The following MCU variants were observed in gnomAD, a reference collection of about 807,000 sequenced individuals.
The protein encoded by MCU is calcium uniporter protein, mitochondrial.
A neutral mutation model predicts 45.2 loss-of-function variants in MCU; 12 were observed. The observed-to-expected ratio is 0.27, with a 90% CI of 0.17 to 0.43. The LOEUF is 0.43. Among genes scored for constraint, MCU ranks in the 20% least tolerant of loss-of-function variants. The pLI is 1.00. For synonymous variants in MCU, 160 were observed against 165.1 expected, an observed-to-expected ratio of 0.97 and a Z score of 0.24; for missense variants, 324 against 436.7, an observed-to-expected ratio of 0.74 and a Z score of 2.30.
intron 1 of MCU, among the ~76,000 whole-genome samples, chr10:72,786,993 A>G (rs1300935904): frequency 6.6e-6 from 1 of 152,176 alleles, no homozygotes; most frequent in Non-Finnish European, 1.5e-5. Context: ...AAATTTATAT[A>G]TGGAGAGAGA....
At chr10:72,757,609 T>C (rs1843597428) in intron 1 of MCU, among the ~76,000 whole-genome samples, 1 of 152,122 alleles carries the variant, frequency 6.6e-6, no homozygotes. Flanking sequence ...TTTTTTAATC[T>C]CTAAAGAGGG....
At chr10:72,731,611 A>G (rs1194897985) in intron 1 of MCU, among the ~76,000 whole-genome samples, 1 of 152,080 alleles carries the variant, frequency 6.6e-6, no homozygotes, top group South Asian at 2.1e-4. Flanking sequence ...ATGTTTAGCA[A>G]TCACTGTCTA....
At chr10:72,707,324 G>A (rs771350641) in intron 1 of MCU, among the ~76,000 whole-genome samples, 1 of 150,076 alleles carries the variant, frequency 6.7e-6, no homozygotes. Flanking sequence ...TCAGCCTCCC[G>A]AGTAGCTGGG....
chr10:72,860,097 A>G, intron 3 of MCU: 1 of 208,414 alleles, frequency 4.8e-6, no homozygotes, highest in Non-Finnish European at 9.8e-6. Context: ...TTTTGACTCA[A>G]CCAGCTTCCA....
intron 1 of MCU, among the ~76,000 whole-genome samples, chr10:72,808,764 A>G (rs1226174275): frequency 6.6e-6 from 1 of 152,176 alleles, no homozygotes; most frequent in Non-Finnish European, 1.5e-5. Context: ...AGCACATCTT[A>G]CTATGGTGGA....
At chr10:72,692,695 G>A in intron 1 of MCU, 3 of 1,221,634 alleles carry the variant, frequency 2.5e-6, no homozygotes, top group Non-Finnish European at 3.1e-6. Context: ...CTCCTCCTCC[G>A]GGCGGGTTGG....
chr10:72,710,605 C>A (rs545126471), intron 1 of MCU, among the ~76,000 whole-genome samples: 1 of 116,478 alleles, frequency 8.6e-6, no homozygotes, highest in Non-Finnish European at 1.7e-5. Flanking sequence ...AAGGAAATTA[C>A]ATTATGTTCA....
chr10:72,780,552 T>TGTGTGTGTGTGTGTGTGTGTGTGTGTGTG (rs770728826), intron 1 of MCU, among the ~76,000 whole-genome samples: 9 of 20,302 alleles, frequency 4.4e-4, no homozygotes, highest in Admixed American at 1.9e-3. Context: ...GTGTGTGTGT[T>TGTGTGTGTGTGTGTGTGTGTGTGTGTGTG]GGGTGAATTT....
At chr10:72,807,820 C>A (rs1057289595) in intron 1 of MCU, among the ~76,000 whole-genome samples, 3 of 152,126 alleles carry the variant, frequency 2.0e-5, no homozygotes, top group Admixed American at 1.3e-4. Flanking sequence ...ATAACATATT[C>A]TGTTAATATG....
intron 1 of MCU, among the ~76,000 whole-genome samples, chr10:72,713,851 A>T (rs1021923904): frequency 6.6e-6 from 1 of 151,918 alleles, no homozygotes; most frequent in Admixed American, 6.6e-5. Flanking sequence ...AATTTAAAAA[A>T]TGTTTCTTAT....
At chr10:72,861,656 A>ATTTTT (rs760388938) in intron 4 of MCU, 8 of 329,774 alleles carry the variant, frequency 2.4e-5, no homozygotes, top group Admixed American at 4.1e-5. Context: ...CGCCAGGCTA[A>ATTTTT]TTTTTTTTTT....
chr10:72,714,345 C>CTTTTTTTTTTTTTTTTTTTTTTTGTT (rs1160353409), intron 1 of MCU, among the ~76,000 whole-genome samples: 1 of 54,768 alleles, frequency 1.8e-5, no homozygotes, highest in African/African-American at 6.4e-5. Context: ...CCGCCCTGGT[C>CTTTTTTTTTTTTTTTTTTTTTTTGTT]TTTTTTTTTT....
intron 2 of MCU, among the ~76,000 whole-genome samples, chr10:72,852,714 A>G (rs550875506): frequency 1.2e-4 from 18 of 152,366 alleles, no homozygotes; most frequent in Admixed American, 8.5e-4. Context: ...CAAGGCAGCT[A>G]GAATTTATGA....
At chr10:72,743,971 A>T in intron 1 of MCU, among the ~76,000 whole-genome samples, 2 of 152,080 alleles carry the variant, frequency 1.3e-5, no homozygotes, top group South Asian at 4.2e-4. Context: ...TTTGTAGGTT[A>T]TGCTGTAGCT....
At chr10:72,865,722 A>G (rs1195298021) in intron 4 of MCU, among the ~76,000 whole-genome samples, 1 of 147,658 alleles carries the variant, frequency 6.8e-6, no homozygotes, top group Non-Finnish European at 1.5e-5. Context: ...TATTTTTTGT[A>G]GAGATGAGGT....
At chr10:72,818,886 A>G (rs1844666784) in intron 1 of MCU, among the ~76,000 whole-genome samples, 1 of 152,112 alleles carries the variant, frequency 6.6e-6, no homozygotes, top group Non-Finnish European at 1.5e-5. Flanking sequence ...TTGTCTTATC[A>G]ATGCTGTTAA....
chr10:72,790,532 G>A (rs1844143010), intron 1 of MCU, among the ~76,000 whole-genome samples: 1 of 152,088 alleles, frequency 6.6e-6, no homozygotes, highest in African/African-American at 2.4e-5. Flanking sequence ...ACATAATTCT[G>A]ATGTATTTTA....
At chr10:72,755,201 G>A (rs1234768319) in intron 1 of MCU, among the ~76,000 whole-genome samples, 2 of 145,704 alleles carry the variant, frequency 1.4e-5, no homozygotes, top group African/African-American at 5.1e-5. Flanking sequence ...CTGGGCTAGA[G>A]TGCAATGGTA....
intron 6 of MCU, among the ~76,000 whole-genome samples, chr10:72,878,195 T>G (rs1845647058): frequency 6.8e-6 from 1 of 148,142 alleles, no homozygotes; most frequent in Non-Finnish European, 1.5e-5. Flanking sequence ...CATGGCTTAC[T>G]GTAGCCTCAT....
Sources: allele counts gnomAD v4.1 joint callset (sites outside exome capture counted in the v4.1 genomes callset), GRCh38; gene constraint gnomAD v4.1.1; transcripts MANE v1.5; gene names NCBI Gene and HGNC (gene_info 2026-07-23, HGNC 2026-07-21).